Variants in ABHD18 observed in about 807,000 individuals in gnomAD.
ABHD18 encodes abhydrolase domain containing 18, also known as cardiolipin-specific deacylase, mitochondrial.
Under a neutral mutation model 65.9 loss-of-function variants are expected in ABHD18, and 55 were observed. The observed-to-expected ratio is 0.84, with a 90% CI of 0.67 to 1.05. The LOEUF (loss-of-function observed/expected upper bound fraction) is 1.05. Among genes scored for constraint, ABHD18 ranks in the 50% least tolerant of loss-of-function variants. The pLI, the probability that ABHD18 is intolerant of heterozygous loss-of-function variation, is 0.00. For missense variants in ABHD18, 533 were observed against 558.5 expected (o/e 0.95, Z 0.46); for synonymous variants, 181 against 180.2 (o/e 1.00, Z -0.04).
rs576163826 is a variant in ABHD18, at chr4:128,036,079, T to C, written c.*266T>C. On this transcript the variant is annotated 3_prime_UTR_variant, in exon 13 of 13. Coordinates refer to ENST00000645843, the MANE Select transcript of ABHD18 (RefSeq NM_001358451.3). Reference sequence around the variant, plus strand: ...TATTCAGTGTTTAGTCTGTTGTTACTGTTTATGAAAAACTAAATTTTTAAT... The same window carrying C: ...TATTCAGTGTTTAGTCTGTTGTTACCGTTTATGAAAAACTAAATTTTTAAT... 3 of 282,928 alleles carry C rather than the reference T, an allele frequency of 1.1e-5. No homozygotes were observed. Among genetic ancestry groups the C allele is most frequent in the African/African-American group, 2.2e-5 (1 of 45,988 alleles). The allele number at this position is 282,928 out of a possible 1,614,324, so 17.5% of individuals were successfully genotyped here.
chr4:128,038,033 G>A lies in ABHD18; in HGVS notation c.*2220G>A, dbSNP rs980097542. The stretch of plus-strand genomic sequence containing the variant: ...AAATAGGGATTCTTAGTCTACTAAC[G>A]ATATTTGAATTATAATGTGCCTTTG... On this transcript the variant is annotated 3_prime_UTR_variant, in exon 13 of 13. Coordinates refer to ENST00000645843, the MANE Select transcript of ABHD18 (RefSeq NM_001358451.3). The A allele has an allele frequency of 2.0e-5, 3 of 152,120 alleles. No individual in the cohort carries two copies. Among genetic ancestry groups the A allele is most frequent in the Admixed American group, 6.6e-5 (1 of 15,256 alleles). The allele number at this position is 152,120 out of a possible 1,614,324, so 9.4% of individuals were successfully genotyped here.
intron 10 of ABHD18, among the ~76,000 whole-genome samples, chr4:128,026,402 T>C (rs1394039842): frequency 2.6e-5 from 4 of 151,184 alleles, no homozygotes; most frequent in Non-Finnish European, 5.9e-5. Context: ...GAAGTTGCAG[T>C]GAGCTGAAAT....
intron 4 of ABHD18, among the ~76,000 whole-genome samples, chr4:127,995,034 C>A (rs988924052): frequency 1.3e-5 from 2 of 152,066 alleles, no homozygotes; most frequent in African/African-American, 4.8e-5. Context: ...CACATGTCAC[C>A]ACGCCTGGCT....
chr4:127,977,932 A>C (rs1168846156), intron 1 of ABHD18, among the ~76,000 whole-genome samples: 2 of 152,130 alleles, frequency 1.3e-5, no homozygotes, highest in Non-Finnish European at 2.9e-5. Context: ...GAAAATAAAT[A>C]AAACTGGATT....
At chr4:128,014,211 G>A (rs1206665711) in intron 7 of ABHD18, among the ~76,000 whole-genome samples, 1 of 151,982 alleles carries the variant, frequency 6.6e-6, no homozygotes, top group Non-Finnish European at 1.5e-5. Context: ...TCGAACTCCC[G>A]ACCTCAGGTG....
intron 12 of ABHD18, chr4:128,031,282 G>A (rs1387227124): frequency 1.1e-5 from 2 of 184,046 alleles, no homozygotes; most frequent in Non-Finnish European, 2.0e-5. Flanking sequence ...GTGAAACCCC[G>A]TCTCTAGTAA....
At chr4:127,983,552 G>C (rs1213650530) in intron 2 of ABHD18, among the ~76,000 whole-genome samples, 1 of 152,012 alleles carries the variant, frequency 6.6e-6, no homozygotes, top group Admixed American at 6.6e-5. Flanking sequence ...GGCCAAGATG[G>C]TAAAACCATC....
At chr4:127,975,004 A>G (rs1259795242) in intron 1 of ABHD18, among the ~76,000 whole-genome samples, 2 of 147,586 alleles carry the variant, frequency 1.4e-5, no homozygotes, top group Non-Finnish European at 3.0e-5. Flanking sequence ...TCTCAAAAAA[A>G]AAAAAAAAAA....
intron 1 of ABHD18, among the ~76,000 whole-genome samples, chr4:127,976,074 T>A (rs934753052): frequency 1.2e-4 from 18 of 152,194 alleles, no homozygotes; most frequent in Admixed American, 1.2e-3. Context: ...TGCCTCAGCC[T>A]CCTAAAGTGT....
At chr4:128,031,193 G>T in intron 12 of ABHD18, 8 of 962,696 alleles carry the variant, frequency 8.3e-6, no homozygotes, top group Non-Finnish European at 8.6e-6. Flanking sequence ...GGTGGCTTAC[G>T]CCTGTAATCC....
chr4:128,030,900 A>G (rs1758112738), intron 12 of ABHD18: 5 of 1,226,518 alleles, frequency 4.1e-6, no homozygotes, highest in Non-Finnish European at 5.1e-6. Context: ...GGCATGCTTT[A>G]TCGTGTGGCT....
At chr4:127,976,355 C>T (rs1747919864) in intron 1 of ABHD18, among the ~76,000 whole-genome samples, 1 of 149,722 alleles carries the variant, frequency 6.7e-6, no homozygotes, top group African/African-American at 2.5e-5. Flanking sequence ...AGCAAACGCC[C>T]AAGAAAAAAA....
intron 4 of ABHD18, chr4:128,001,569 A>C (rs1752633574): frequency 1.5e-6 from 1 of 679,902 alleles, no homozygotes; most frequent in Non-Finnish European, 2.3e-6. Flanking sequence ...TTCTGTAGAT[A>C]GTAAATTTTC....
At position 128,032,990 on chromosome 4, in the gene ABHD18, A is replaced by G. The variant is rs189903072; in HGVS notation, c.1343+2318A>G. On this transcript the variant is annotated intron_variant, in intron 12 of 12. Transcript: ENST00000645843. The stretch of plus-strand genomic sequence containing the variant: ...GTGGGTGGGCCGGGCGTGGTGGCTC[A>G]CGCCTGTAATCCCAGCACTTTGGGA... Among the ~76,000 whole-genome samples the G allele has an allele frequency of 3.8e-3, 584 of 152,184 alleles. 3 individuals are homozygous for G. The highest frequency in any genetic ancestry group is 6.8e-3 in the Middle Eastern group (2 of 294).
chr4:128,035,334 A>G (rs948233695), intron 12 of ABHD18, among the ~76,000 whole-genome samples: 2 of 152,024 alleles, frequency 1.3e-5, no homozygotes, highest in African/African-American at 4.8e-5. Context: ...AGTTGCATGC[A>G]TCTGAGGCAG....
intron 10 of ABHD18, among the ~76,000 whole-genome samples, chr4:128,026,336 G>A (rs575644526): frequency 6.6e-5 from 10 of 152,048 alleles, no homozygotes; most frequent in South Asian, 2.1e-4. Flanking sequence ...GCATGCGCCT[G>A]TAGTCCCAGC....
At chr4:127,980,139 T>C (rs573661119) in intron 1 of ABHD18, among the ~76,000 whole-genome samples, 1 of 152,284 alleles carries the variant, frequency 6.6e-6, no homozygotes, top group East Asian at 1.9e-4. Flanking sequence ...TGGGTCCTAA[T>C]AAGAGGTGAT....
chr4:127,995,673 T>G (rs1315133236), intron 4 of ABHD18, among the ~76,000 whole-genome samples: 1 of 152,208 alleles, frequency 6.6e-6, no homozygotes, highest in African/African-American at 2.4e-5. Context: ...TGTGTGATTT[T>G]AAATATAAGT....
At chr4:128,014,502 A>G (rs1187278285) in intron 7 of ABHD18, among the ~76,000 whole-genome samples, 2 of 152,306 alleles carry the variant, frequency 1.3e-5, no homozygotes, top group South Asian at 2.1e-4. Context: ...AATACTATGT[A>G]ATTTCTTCCA....
Sources: allele counts gnomAD v4.1 joint callset (sites outside exome capture counted in the v4.1 genomes callset), GRCh38; gene constraint gnomAD v4.1.1; transcripts MANE v1.5; gene names NCBI Gene and HGNC (gene_info 2026-07-23, HGNC 2026-07-21).